The following DCBLD1 variants were observed in gnomAD, a reference collection of about 807,000 sequenced individuals.
DCBLD1 encodes the protein discoidin, CUB and LCCL domain containing 1.
Under a neutral mutation model 71.5 loss-of-function variants are expected in DCBLD1, and 57 were observed. That is an observed-to-expected ratio of 0.80 (90% CI 0.64 to 0.99). DCBLD1 has a LOEUF of 0.99. Ranked by LOEUF, DCBLD1 falls within the 50% of genes least tolerant of loss-of-function variation. The pLI is 0.00. For synonymous variants in DCBLD1, 380 were observed against 363.8 expected, an observed-to-expected ratio of 1.04 and a Z score of -0.51; for missense variants, 891 against 923.5, an observed-to-expected ratio of 0.96 and a Z score of 0.46.
intron 3 of DCBLD1, 48 bp from the exon 4 acceptor site, chr6:117,521,477 C>T (rs1341033206): frequency 1.4e-6 from 2 of 1,447,424 alleles, no homozygotes; most frequent in Admixed American, 2.1e-5. Context: ...CATGAGTGTC[C>T]TAGTTTTTAT....
chr6:117,569,185 T>C (rs888556437), intron 14 of DCBLD1, among the ~76,000 whole-genome samples: 2 of 152,230 alleles, frequency 1.3e-5, no homozygotes, highest in African/African-American at 4.8e-5. Context: ...AATCTACTTC[T>C]AGCACTGTCT....
At chr6:117,493,370 A>T (rs917939514) in intron 1 of DCBLD1, among the ~76,000 whole-genome samples, 4 of 152,208 alleles carry the variant, frequency 2.6e-5, no homozygotes, top group Non-Finnish European at 5.9e-5. Context: ...AGCATCTTTC[A>T]GGAGCTAAGC....
At chr6:117,542,683 A>C (rs1257252314) in intron 11 of DCBLD1, among the ~76,000 whole-genome samples, 1 of 151,882 alleles carries the variant, frequency 6.6e-6, no homozygotes, top group Non-Finnish European at 1.5e-5. Context: ...GACTATTGTT[A>C]TGGTACAGGT....
chr6:117,485,030 T>C (rs1777039462), intron 1 of DCBLD1: 1 of 152,242 alleles, frequency 6.6e-6, no homozygotes, highest in Non-Finnish European at 1.5e-5. Context: ...TCTGGATCCG[T>C]TTAACTAAAG....
chr6:117,557,006 G>C (rs117107519), intron 14 of DCBLD1, among the ~76,000 whole-genome samples: 1,888 of 151,668 alleles, frequency 0.012, 22 homozygotes, highest in Non-Finnish European at 0.017. Flanking sequence ...TCATCCACTT[G>C]TATGTTTTCT....
chr6:117,484,805 A>G (rs953782225), intron 1 of DCBLD1: 1 of 152,224 alleles, frequency 6.6e-6, no homozygotes, highest in African/African-American at 2.4e-5. Context: ...AGCCTAATCA[A>G]TACAATTAAT....
At chr6:117,483,950 G>T (rs1046020136) in intron 1 of DCBLD1, among the ~76,000 whole-genome samples, 3 of 151,962 alleles carry the variant, frequency 2.0e-5, no homozygotes, top group Admixed American at 2.0e-4. Flanking sequence ...TGGTGGTGGT[G>T]GTTCCTAAGT....
rs1049339045 is a variant in DCBLD1, at chr6:117,549,587, T to C, written c.*1148T>C. The C allele has an allele frequency of 2.8e-5, 28 of 985,288 alleles. No individual in the cohort carries two copies. Among genetic ancestry groups the C allele is most frequent in the Non-Finnish European group, 3.4e-5 (28 of 829,928 alleles). The allele number at this position is 985,288 out of a possible 1,614,324, so 61.0% of individuals were successfully genotyped here. A position where few individuals can be genotyped will look rare whatever the true frequency, so the allele number is the denominator to read the frequency against. ...GTGTGTGTTTTTTTAATAGAAAATA[T>C]GGACCAAAAATTTTTTTCCCTGAAG... On this transcript the variant is annotated 3_prime_UTR_variant, in exon 15 of 15. Transcript: ENST00000338728.
At chr6:117,556,087 T>C (rs1415361823) in intron 14 of DCBLD1, among the ~76,000 whole-genome samples, 1 of 152,248 alleles carries the variant, frequency 6.6e-6, no homozygotes, top group Non-Finnish European at 1.5e-5. Context: ...TGGAATCTGC[T>C]GCCCCCTGCT....
Position 117,548,444 on chromosome 6 carries a change from A to T in DCBLD1, c.*5A>T. The stretch of plus-strand genomic sequence containing the variant: ...GCCATGACTGCCCTTTTGTGAACAC[A>T]ATGTGAAAGAAGCCTGCTGTGGTAC... On this transcript the variant is annotated 3_prime_UTR_variant, in exon 15 of 15. Transcript: ENST00000338728. The T allele has an allele frequency of 6.4e-7, 1 of 1,550,506 alleles. No individual in the cohort carries two copies. The highest frequency in any genetic ancestry group is 8.7e-7 in the Non-Finnish European group (1 of 1,147,006).
At chr6:117,509,789 T>C (rs117826583) in intron 2 of DCBLD1, among the ~76,000 whole-genome samples, 1 of 152,272 alleles carries the variant, frequency 6.6e-6, no homozygotes, top group Non-Finnish European at 1.5e-5. Context: ...TTCCTGGTAA[T>C]CCAAGAGTTT....
At chr6:117,508,848 A>C (rs1353460882) in intron 2 of DCBLD1, among the ~76,000 whole-genome samples, 1 of 152,210 alleles carries the variant, frequency 6.6e-6, no homozygotes, top group Non-Finnish European at 1.5e-5. Context: ...CTTCATAGGC[A>C]TCTCAGGGTC....
chr6:117,489,863 T>C lies in DCBLD1; in HGVS notation c.112+6970T>C, dbSNP rs183420913. 4.1e-4 allele frequency among the ~76,000 whole-genome samples: 62 copies of C among 152,284 alleles called. No homozygotes were observed. The East Asian group carries it at 8.1e-3, about 20-fold the overall frequency. ...TCACGCCCCTGCACTCCAGCCTGGG[T>C]GACAGAGCGAGACTCCGTCTCAAAA... On this transcript the variant is annotated intron_variant, in intron 1 of 14. Transcript: ENST00000338728.
rs143690099 is a variant in DCBLD1 at position 117,492,329 on chromosome 6, A to C, written c.112+9436A>C. ...ATTCTGAGAGCTATTGAGGGAACTG[A>C]GATTCAGAGAAATAATTATTTACCC... is the stretch of plus-strand genomic sequence containing the variant. On this transcript the variant is annotated intron_variant, in intron 1 of 14. Transcript: ENST00000338728. Among the ~76,000 whole-genome samples, 197 of 152,340 alleles carry C rather than the reference A, an allele frequency of 1.3e-3. 2 individuals are homozygous for C. The highest frequency in any genetic ancestry group is 4.6e-3 in the African/African-American group (190 of 41,570).
chr6:117,552,088 C>G (rs1446964686), downstream of DCBLD1, among the ~76,000 whole-genome samples: 2 of 152,168 alleles, frequency 1.3e-5, no homozygotes, highest in Non-Finnish European at 2.9e-5. Flanking sequence ...CCACGGCACT[C>G]CAGCCTGGGC....
chr6:117,509,978 C>T (rs544664397), intron 2 of DCBLD1, among the ~76,000 whole-genome samples: 1 of 152,182 alleles, frequency 6.6e-6, no homozygotes, highest in African/African-American at 2.4e-5. Flanking sequence ...GCATCTTTTT[C>T]TCCTTGAAGA....
At chr6:117,519,338 A>C in intron 2 of DCBLD1, among the ~76,000 whole-genome samples, 1 of 152,214 alleles carries the variant, frequency 6.6e-6, no homozygotes, top group East Asian at 1.9e-4. Flanking sequence ...AAGTTACTGT[A>C]AAGGAAAATC....
At chr6:117,486,964 C>T (rs1478977776) in intron 1 of DCBLD1, among the ~76,000 whole-genome samples, 1 of 152,100 alleles carries the variant, frequency 6.6e-6, no homozygotes, top group East Asian at 1.9e-4. Flanking sequence ...ATGTTTGAGG[C>T]ATCTAGATTG....
chr6:117,501,537 T>C (rs1324103488), intron 1 of DCBLD1, among the ~76,000 whole-genome samples: 1 of 152,220 alleles, frequency 6.6e-6, no homozygotes, highest in African/African-American at 2.4e-5. Flanking sequence ...TTTCACCATG[T>C]TGGTCAGGCT....
Sources: gnomAD v4.1 joint callset for allele counts (sites outside exome capture counted in the v4.1 genomes callset) on GRCh38, gnomAD v4.1.1 for gene constraint, MANE v1.5 for transcripts, NCBI Gene and HGNC (gene_info 2026-07-23, HGNC 2026-07-21) for gene names.